Variants in YPEL2 observed in about 807,000 individuals in gnomAD.
YPEL2 encodes the protein protein yippee-like 2.
A neutral mutation model predicts 19.1 loss-of-function variants in YPEL2; 2 were observed. The observed-to-expected ratio is 0.10, with a 90% confidence interval of 0.04 to 0.33. The LOEUF is 0.33. Ranked by LOEUF, YPEL2 falls within the 10% of genes least tolerant of loss-of-function variation. The pLI is 1.00. For synonymous variants in YPEL2, 52 were observed against 50.0 expected (o/e 1.04, Z -0.17); for missense variants, 66 against 140.7 (o/e 0.47, Z 2.68).
intron 4 of YPEL2, among the ~76,000 whole-genome samples, chr17:59,395,617 G>A (rs1461610167): frequency 2.6e-5 from 4 of 152,114 alleles, no homozygotes; most frequent in African/African-American, 4.8e-5. Flanking sequence ...CAGTTAGGTG[G>A]GGCTTAAGGA....
chr17:59,361,308 C>T (rs1053019912), intron 2 of YPEL2, among the ~76,000 whole-genome samples: 2 of 152,058 alleles, frequency 1.3e-5, no homozygotes, highest in Non-Finnish European at 2.9e-5. Flanking sequence ...TGTGTGTGTG[C>T]GCGTGCATGC....
intron 1 of YPEL2, among the ~76,000 whole-genome samples, chr17:59,342,698 G>A (rs920276481): frequency 2.6e-5 from 4 of 152,198 alleles, no homozygotes; most frequent in Non-Finnish European, 5.9e-5. Context: ...CAGTCTCTTG[G>A]GGCTGGAGGA....
At chr17:59,345,987 C>G (rs1393786415) in intron 1 of YPEL2, among the ~76,000 whole-genome samples, 1 of 152,172 alleles carries the variant, frequency 6.6e-6, no homozygotes, top group African/African-American at 2.4e-5. Flanking sequence ...CTCTTAACCG[C>G]TGGGCAACAC....
chr17:59,372,405 C>G (rs1043898362), intron 2 of YPEL2, among the ~76,000 whole-genome samples: 11 of 152,112 alleles, frequency 7.2e-5, no homozygotes, highest in African/African-American at 2.4e-4. Context: ...TCAAAGACTC[C>G]TTAGCTGGTT....
At chr17:59,363,371 G>T (rs1050735934) in intron 2 of YPEL2, 1 of 150,570 alleles carries the variant, frequency 6.6e-6, no homozygotes, top group Non-Finnish European at 1.5e-5. Flanking sequence ...GCAGTGGCGT[G>T]ATCTCTGCTC....
intron 1 of YPEL2, among the ~76,000 whole-genome samples, chr17:59,332,137 C>T (rs1050893311): frequency 1.3e-5 from 2 of 152,068 alleles, no homozygotes; most frequent in African/African-American, 4.8e-5. Flanking sequence ...TCTGCGGGGC[C>T]AGGTTTGGGG....
chr17:59,342,427 G>A (rs1373586641), intron 1 of YPEL2, among the ~76,000 whole-genome samples: 1 of 152,146 alleles, frequency 6.6e-6, no homozygotes, highest in Non-Finnish European at 1.5e-5. Flanking sequence ...GAGGCCAGGG[G>A]GAGGGTTCCC....
At chr17:59,383,648 A>ATATATT in intron 2 of YPEL2, among the ~76,000 whole-genome samples, 1 of 112,426 alleles carries the variant, frequency 8.9e-6, no homozygotes, top group African/African-American at 3.3e-5. Context: ...ATATATATAT[A>ATATATT]TATGGTCTAA....
intron 1 of YPEL2, among the ~76,000 whole-genome samples, chr17:59,334,649 T>C (rs1012356826): frequency 1.3e-5 from 2 of 152,096 alleles, no homozygotes; most frequent in Non-Finnish European, 2.9e-5. Flanking sequence ...TCTTAGTTAT[T>C]GTGTCCAGAC....
chr17:59,361,349 ACTC>A (rs2047839991), intron 2 of YPEL2, among the ~76,000 whole-genome samples: 2 of 152,284 alleles, frequency 1.3e-5, no homozygotes, highest in South Asian at 4.1e-4. Context: ...TTATAATACT[ACTC>A]AAAAATTTTG....
At chr17:59,391,522 A>G (rs2048007421) in intron 4 of YPEL2, among the ~76,000 whole-genome samples, 2 of 152,158 alleles carry the variant, frequency 1.3e-5, no homozygotes, top group Admixed American at 1.3e-4. Flanking sequence ...ATCATTAAAA[A>G]AAAAAATTGT....
chr17:59,336,060 C>G (rs947058863), intron 1 of YPEL2, among the ~76,000 whole-genome samples: 1 of 152,204 alleles, frequency 6.6e-6, no homozygotes, highest in Non-Finnish European at 1.5e-5. Context: ...CTCTGTCTTG[C>G]TTGCTGCTGA....
In YPEL2 at chr17:59,383,484, G is replaced by T. The variant is rs1182719482; in HGVS notation, c.118-4843G>T. Reference sequence around the variant, plus strand: ...GTGGTGGTGGGTGCCTGTAGTCCCAGCTACTCGGGAGGCTGAGGCAGGAGA... The same window carrying T: ...GTGGTGGTGGGTGCCTGTAGTCCCATCTACTCGGGAGGCTGAGGCAGGAGA... On this transcript the variant is annotated intron_variant, in intron 2 of 4. Transcript: ENST00000312655. Among the ~76,000 whole-genome samples, 4 of 143,300 alleles carry T rather than the reference G, an allele frequency of 2.8e-5. No homozygotes were observed. The East Asian group carries it at 8.8e-4, about 32-fold the overall frequency. The allele number at this position is 143,300 out of a possible 152,430, so 94.0% of individuals were successfully genotyped here. A position where few individuals can be genotyped will look rare whatever the true frequency, so the allele number is the denominator to read the frequency against.
Position 59,397,161 on chromosome 17 carries a change from C to T in YPEL2, c.331C>T (p.His111Tyr). 1 of 1,612,438 alleles carries T rather than the reference C, an allele frequency of 6.2e-7. No individual in the cohort carries two copies. The highest frequency in any genetic ancestry group is 8.5e-7 in the Non-Finnish European group (1 of 1,179,248). Residue 111 changes from histidine (H) to tyrosine (Y), a missense_variant, in exon 5 of 5, where the codon CAC becomes TAC. By Grantham distance (83) the His-to-Tyr change is moderately conservative (BLOSUM62 2). Transcript: ENST00000312655. ...KEGKYIIELA[H>Y]MIKDNGWD ...AGGCAAATACATCATTGAACTAGCA[C>T]ACATGATCAAGGACAATGGCTGGGA...
chr17:59,352,852 T>G (rs2047794162), intron 1 of YPEL2, among the ~76,000 whole-genome samples: 5 of 152,172 alleles, frequency 3.3e-5, no homozygotes, highest in Admixed American at 3.3e-4. Context: ...ACCACTCACC[T>G]TGGTTGGCTC....
chr17:59,389,142 C>T, intron 3 of YPEL2: 1 of 549,492 alleles, frequency 1.8e-6, no homozygotes, highest in Non-Finnish European at 3.3e-6. Context: ...AAGATTATTT[C>T]GGTAGACCCA....
In YPEL2 at chr17:59,397,824, C is replaced by A. The variant is rs1156722033; in HGVS notation, c.*634C>A. On this transcript the variant is annotated 3_prime_UTR_variant, in exon 5 of 5. Transcript: ENST00000312655. ...TGATTCTAGTTGGTGGGGCAAGGGCCTGGTTCTCCTGGGCTGAGTGGGGGA... is the reference window on the plus strand; with the variant it reads ...TGATTCTAGTTGGTGGGGCAAGGGCATGGTTCTCCTGGGCTGAGTGGGGGA... 6.6e-6 allele frequency: 1 copy of A among 152,430 alleles called. No homozygotes were observed. The highest frequency in any genetic ancestry group is 2.4e-5 in the African/African-American group (1 of 41,432). The allele number at this position is 152,430 out of a possible 1,614,324, so 9.4% of individuals were successfully genotyped here. A position where few individuals can be genotyped will look rare whatever the true frequency, so the allele number is the denominator to read the frequency against.
At chr17:59,335,908 G>A (rs959948080) in intron 1 of YPEL2, among the ~76,000 whole-genome samples, 18 of 152,078 alleles carry the variant, frequency 1.2e-4, no homozygotes, top group East Asian at 7.7e-4. Flanking sequence ...ACTTCCTGAC[G>A]GACCAGTTAT....
At position 59,372,679 on chromosome 17, in the gene YPEL2, A is replaced by G. The variant is rs369533309; in HGVS notation, c.118-15648A>G. 5.3e-5 allele frequency among the ~76,000 whole-genome samples: 8 copies of G among 152,358 alleles called. No homozygotes were observed. In the South Asian group the frequency reaches 1.2e-3, roughly 24 times the overall value. On this transcript the variant is annotated intron_variant, in intron 2 of 4. Coordinates refer to ENST00000312655, the MANE Select transcript of YPEL2 (RefSeq NM_001005404.4). Reference sequence around the variant, plus strand: ...TGCCCTGTGTTTAGATGTGGGCACAATAGACAATGCTCACCACACAAAGCA... The same window carrying G: ...TGCCCTGTGTTTAGATGTGGGCACAGTAGACAATGCTCACCACACAAAGCA...
Sources: allele counts gnomAD v4.1 joint callset (sites outside exome capture counted in the v4.1 genomes callset), GRCh38; gene constraint gnomAD v4.1.1; transcripts MANE v1.5; gene names NCBI Gene and HGNC (gene_info 2026-07-23, HGNC 2026-07-21).